The following ADGRB3 variants were observed in gnomAD, a reference collection of about 807,000 sequenced individuals.
ADGRB3 encodes the protein adhesion G protein-coupled receptor B3.
A neutral mutation model predicts 193.4 loss-of-function variants in ADGRB3; 37 were observed. The observed-to-expected ratio is 0.19, with a 90% CI of 0.15 to 0.25. The LOEUF (loss-of-function observed/expected upper bound fraction) is 0.25. Ranked by LOEUF, ADGRB3 falls within the 10% of genes least tolerant of loss-of-function variation. The probability of loss-of-function intolerance (pLI) is 1.00; values close to 1 mark genes in which losing one functional copy is unlikely to be tolerated. For missense variants in ADGRB3, 1,637 were observed against 1,852.9 expected, an observed-to-expected ratio of 0.88 and a Z score of 2.14; for synonymous variants, 690 against 644.2, an observed-to-expected ratio of 1.07 and a Z score of -1.08.
rs182810799 is a variant in ADGRB3, at chr6:68,858,971, A to C, written c.758-71588A>C. On this transcript the variant is annotated intron_variant, in intron 3 of 31. Coordinates refer to ENST00000370598, the MANE Select transcript of ADGRB3 (RefSeq NM_001704.3). Reference sequence around the variant, plus strand: ...CCTTATTACTTATGCAAATTTATGTAGCCAGCTTGAATTTCTCCCCAGAAA... The same window carrying C: ...CCTTATTACTTATGCAAATTTATGTCGCCAGCTTGAATTTCTCCCCAGAAA... Among the ~76,000 whole-genome samples, 7 of 152,358 alleles carry C rather than the reference A, an allele frequency of 4.6e-5. No individual in the cohort carries two copies. The East Asian group carries it at 1.2e-3, about 25-fold the overall frequency.
chr6:68,778,535 T>C (rs1217334147), intron 3 of ADGRB3, among the ~76,000 whole-genome samples: 1 of 152,092 alleles, frequency 6.6e-6, no homozygotes, highest in Admixed American at 6.6e-5. Flanking sequence ...TGTAGATGTG[T>C]TTTCAACTCT....
intron 3 of ADGRB3, among the ~76,000 whole-genome samples, chr6:68,893,778 A>G (rs180806528): frequency 1.3e-3 from 195 of 152,074 alleles, no homozygotes; most frequent in Admixed American, 4.1e-3. Flanking sequence ...TTGCCAATAT[A>G]TAGTTTTTGT....
intron 5 of ADGRB3, among the ~76,000 whole-genome samples, chr6:68,942,339 A>G (rs1209491548): frequency 2.0e-5 from 3 of 152,252 alleles, no homozygotes; most frequent in Admixed American, 1.3e-4. Flanking sequence ...GAAAAAAATG[A>G]ACTTTTTGGG....
intron 24 of ADGRB3, among the ~76,000 whole-genome samples, chr6:69,336,751 C>A (rs935296316): frequency 6.6e-6 from 1 of 151,958 alleles, no homozygotes; most frequent in African/African-American, 2.4e-5. Context: ...TGAATAATTT[C>A]TTCTATAATA....
chr6:69,241,488 C>T (rs1766384128), intron 20 of ADGRB3, among the ~76,000 whole-genome samples: 2 of 151,986 alleles, frequency 1.3e-5, no homozygotes, highest in South Asian at 4.2e-4. Flanking sequence ...GTGTCTACGA[C>T]GTTGTGTAGG....
At chr6:68,636,041 G>T (rs1767940504) in intron 1 of ADGRB3, 41 bp downstream of exon 1, 1 of 152,800 alleles carries the variant, frequency 6.5e-6, no homozygotes, top group African/African-American at 2.4e-5. Context: ...CTCTGCCGGG[G>T]GTCGCCACCG....
In ADGRB3 at chr6:68,731,012, A is replaced by G. The variant is rs917621609; in HGVS notation, c.757+91580A>G. 4.0e-5 allele frequency among the ~76,000 whole-genome samples: 6 copies of G among 151,734 alleles called. No individual in the cohort carries two copies. In the South Asian group the frequency reaches 1.0e-3, roughly 26 times the overall value. On this transcript the variant is annotated intron_variant, in intron 3 of 31. Coordinates refer to ENST00000370598, the MANE Select transcript of ADGRB3 (RefSeq NM_001704.3). ...TGAAAGAAAGCTTATTTGGGGAGAA[A>G]ACAAAAAGAAATAAGGACTGCAGCC...
At chr6:69,303,704 C>T (rs1336270207) in intron 20 of ADGRB3, among the ~76,000 whole-genome samples, 1 of 151,886 alleles carries the variant, frequency 6.6e-6, no homozygotes, top group African/African-American at 2.4e-5. Flanking sequence ...TACTCTATGT[C>T]TTCTCTCCTA....
intron 20 of ADGRB3, among the ~76,000 whole-genome samples, chr6:69,271,319 T>G (rs189535843): frequency 4.6e-5 from 7 of 152,150 alleles, no homozygotes; most frequent in Middle Eastern, 3.4e-3. Flanking sequence ...GGTGGCTGAG[T>G]TGTGGGTAAA....
chr6:69,255,246 T>C (rs1451211299), intron 20 of ADGRB3, among the ~76,000 whole-genome samples: 1 of 152,116 alleles, frequency 6.6e-6, no homozygotes, highest in Non-Finnish European at 1.5e-5. Flanking sequence ...CTGGGTCAAA[T>C]GGTATTTCTA....
At chr6:69,081,444 C>T (rs1361332779) in intron 17 of ADGRB3, among the ~76,000 whole-genome samples, 1 of 151,672 alleles carries the variant, frequency 6.6e-6, no homozygotes, top group East Asian at 1.9e-4. Flanking sequence ...GCAAAGCAAC[C>T]CTGCTCTTCT....
intron 17 of ADGRB3, among the ~76,000 whole-genome samples, chr6:69,142,628 A>G (rs1263177052): frequency 2.0e-5 from 3 of 152,172 alleles, no homozygotes; most frequent in Admixed American, 6.5e-5. Context: ...CATATACCAT[A>G]TTGATAGTAT....
chr6:69,147,066 G>GT (rs1219408237), intron 17 of ADGRB3, among the ~76,000 whole-genome samples: 2 of 151,022 alleles, frequency 1.3e-5, no homozygotes, highest in Admixed American at 6.6e-5. Flanking sequence ...CTGGCAAAAG[G>GT]TTTTTTTATC....
chr6:68,892,201 A>G (rs1322496232), intron 3 of ADGRB3, among the ~76,000 whole-genome samples: 1 of 151,842 alleles, frequency 6.6e-6, no homozygotes, highest in African/African-American at 2.4e-5. Flanking sequence ...TCTAAACTAT[A>G]GTTTGGAACA....
intron 16 of ADGRB3, among the ~76,000 whole-genome samples, chr6:69,068,779 T>C (rs2150310145): frequency 6.6e-6 from 1 of 152,322 alleles, no homozygotes; most frequent in East Asian, 1.9e-4. Flanking sequence ...AGAAGTGATA[T>C]TAAATATGTG....
At chr6:69,240,106 T>C (rs1194971417) in intron 20 of ADGRB3, among the ~76,000 whole-genome samples, 1 of 152,110 alleles carries the variant, frequency 6.6e-6, no homozygotes, top group Non-Finnish European at 1.5e-5. Context: ...TCATGTATTA[T>C]ATATTCATAG....
Position 68,790,810 on chromosome 6 carries a change from A to G in ADGRB3, c.758-139749A>G, listed in dbSNP as rs573060450. Reference sequence around the variant, plus strand: ...TGTACGTCACCATCATCAAAGACCAATGGTAGATAAAACCACAAAGATGGG... The same window carrying G: ...TGTACGTCACCATCATCAAAGACCAGTGGTAGATAAAACCACAAAGATGGG... On this transcript the variant is annotated intron_variant, in intron 3 of 31. Coordinates refer to ENST00000370598, the MANE Select transcript of ADGRB3 (RefSeq NM_001704.3). 7.9e-5 allele frequency among the ~76,000 whole-genome samples: 12 copies of G among 152,220 alleles called. No homozygotes were observed. In the South Asian group the frequency reaches 2.3e-3, roughly 29 times the overall value.
chr6:69,154,032 A>G (rs777346761), intron 17 of ADGRB3, among the ~76,000 whole-genome samples: 9 of 152,168 alleles, frequency 5.9e-5, no homozygotes, highest in Non-Finnish European at 1.2e-4. Context: ...GAACTTGCAT[A>G]ATTTTAATAT....
intron 30 of ADGRB3, among the ~76,000 whole-genome samples, chr6:69,373,316 C>T (rs1408355265): frequency 3.9e-5 from 6 of 152,108 alleles, no homozygotes; most frequent in South Asian, 2.1e-4. Flanking sequence ...CTAATTCAGT[C>T]GTTTCATTTA....
Sources: gnomAD v4.1 joint callset for allele counts (sites outside exome capture counted in the v4.1 genomes callset) on GRCh38, gnomAD v4.1.1 for gene constraint, MANE v1.5 for transcripts, NCBI Gene and HGNC (gene_info 2026-07-23, HGNC 2026-07-21) for gene names.